The following NBEAL1 variants were observed in gnomAD, a reference collection of about 807,000 sequenced individuals.
The protein encoded by NBEAL1 is neurobeachin like 1.
Under a neutral mutation model 351.3 loss-of-function variants are expected in NBEAL1, and 273 were observed. The ratio of observed to expected loss-of-function variants is 0.78; its 90% CI spans 0.70 to 0.86. The LOEUF (loss-of-function observed/expected upper bound fraction) is 0.86. Ranked by LOEUF, NBEAL1 falls within the 40% of genes least tolerant of loss-of-function variation. The probability of loss-of-function intolerance (pLI) is 0.00; values close to 1 mark genes in which losing one functional copy is unlikely to be tolerated. For missense variants in NBEAL1, 2,961 were observed against 3,201.3 expected, an observed-to-expected ratio of 0.92 and a Z score of 1.81; for synonymous variants, 1,050 against 1,086.4, an observed-to-expected ratio of 0.97 and a Z score of 0.66.
At chr2:203,189,684 G>GAAA in intron 45 of NBEAL1, among the ~76,000 whole-genome samples, 1 of 151,938 alleles carries the variant, frequency 6.6e-6, no homozygotes, top group Non-Finnish European at 1.5e-5. Context: ...ACCACCCCTG[G>GAAA]CCCAATAGAA....
intron 2 of NBEAL1, chr2:203,040,296 A>G: frequency 1.3e-6 from 1 of 768,350 alleles, no homozygotes; most frequent in South Asian, 1.4e-5. Context: ...GGAGGCAGAA[A>G]TGTGACAAGG....
rs1340842449 is a variant in NBEAL1 at position 203,223,644 on chromosome 2, A to G, written c.*6290A>G. 6.6e-6 allele frequency among the ~76,000 whole-genome samples: 1 copy of G among 152,058 alleles called. No individual in the cohort carries two copies. Among genetic ancestry groups the G allele is most frequent in the Non-Finnish European group, 1.5e-5 (1 of 67,908 alleles). ...GAAGTCCTATTCCAATTGGACCTTT[A>G]AAATTTTTATTTTGGTAATATTTCA... On this transcript the variant is annotated 3_prime_UTR_variant, in exon 56 of 56. Coordinates refer to ENST00000683969, the MANE Select transcript of NBEAL1 (RefSeq NM_001378026.1).
At chr2:203,024,485 G>A (rs989246235) in intron 2 of NBEAL1, among the ~76,000 whole-genome samples, 4 of 151,780 alleles carry the variant, frequency 2.6e-5, no homozygotes, top group Non-Finnish European at 5.9e-5. Context: ...CCAAGAGGCC[G>A]GGGTTGCAGT....
At position 203,202,708 on chromosome 2, in the gene NBEAL1, C is replaced by T. The variant is rs1559062160; in HGVS notation, c.7433C>T (p.Thr2478Ile). ...RHMDIVTCLA[T>I]DYCGIHLISG... Reference sequence around the variant, plus strand: ...ACAGATATTGTGACTTGCTTAGCTACAGATTACTGTGGAATACATTTGATT... The same window carrying T: ...ACAGATATTGTGACTTGCTTAGCTATAGATTACTGTGGAATACATTTGATT... Residue 2478 changes from threonine to isoleucine, a missense_variant, in exon 51 of 56, where the codon ACA (threonine) becomes ATA (isoleucine). Coordinates refer to ENST00000683969, the MANE Select transcript of NBEAL1 (RefSeq NM_001378026.1). 2 of 1,596,442 alleles carry T rather than the reference C, an allele frequency of 1.3e-6. No homozygotes were observed. Among genetic ancestry groups the T allele is most frequent in the Non-Finnish European group, 1.7e-6 (2 of 1,164,390 alleles).
chr2:203,057,103 C>T (rs2061416078), intron 5 of NBEAL1, among the ~76,000 whole-genome samples: 1 of 152,096 alleles, frequency 6.6e-6, no homozygotes, highest in African/African-American at 2.4e-5. Context: ...TTATTTATCA[C>T]ATATCCTTCT....
intron 55 of NBEAL1, among the ~76,000 whole-genome samples, chr2:203,215,854 T>C (rs910543816): frequency 6.6e-6 from 1 of 151,526 alleles, no homozygotes; most frequent in Non-Finnish European, 1.5e-5. Flanking sequence ...CTACTAAAAA[T>C]ACAAAAATTA....
At chr2:203,084,700 G>A (rs949951226) in intron 10 of NBEAL1, 131 bp downstream of exon 10, 6 of 473,506 alleles carry the variant, frequency 1.3e-5, no homozygotes, top group African/African-American at 1.2e-4. Flanking sequence ...ACATAACCAA[G>A]TTTTATCTTG....
At chr2:203,133,293 A>T (rs976731024) in intron 27 of NBEAL1, 147 bp downstream of exon 27, 26 of 435,768 alleles carry the variant, frequency 6.0e-5, no homozygotes, top group Middle Eastern at 6.1e-4. Context: ...TTTTTGAAGT[A>T]AATTAACTTC....
At chr2:203,044,277 CT>C (rs2061191877) in intron 3 of NBEAL1, among the ~76,000 whole-genome samples, 3 of 152,198 alleles carry the variant, frequency 2.0e-5, no homozygotes, top group Middle Eastern at 3.4e-3. Context: ...AACTCTTGAC[CT>C]TTTCTCAAAA....
chr2:203,100,023 C>T (rs981307763), intron 12 of NBEAL1, among the ~76,000 whole-genome samples: 2 of 151,996 alleles, frequency 1.3e-5, no homozygotes, highest in African/African-American at 4.8e-5. Flanking sequence ...TGTGTTAGTT[C>T]GCCTAGAATA....
chr2:203,085,309 C>A (rs908862161), intron 10 of NBEAL1: 1 of 152,156 alleles, frequency 6.6e-6, no homozygotes, highest in Non-Finnish European at 1.5e-5. Flanking sequence ...AGGATGGTCT[C>A]CATCTCTTGA....
intron 15 of NBEAL1, 74 bp downstream of exon 15, chr2:203,110,356 A>G: frequency 6.8e-7 from 1 of 1,466,074 alleles, no homozygotes; most frequent in Non-Finnish European, 9.2e-7. Context: ...TAAATTCAAC[A>G]GCAGTCATTT....
chr2:203,077,612 A>AT, intron 7 of NBEAL1, 140 bp from the exon 8 acceptor site: 2 of 437,688 alleles, frequency 4.6e-6, no homozygotes, highest in East Asian at 7.8e-5. Flanking sequence ...CTAAGACAAA[A>AT]TGCATATCAA....
At chr2:203,053,754 G>A (rs929594439) in intron 4 of NBEAL1, among the ~76,000 whole-genome samples, 13 of 151,966 alleles carry the variant, frequency 8.6e-5, no homozygotes, top group African/African-American at 2.7e-4. Flanking sequence ...CTGGGCTCAA[G>A]CGATCCTCCC....
intron 29 of NBEAL1, 88 bp downstream of exon 29, chr2:203,136,862 T>A: frequency 8.5e-7 from 1 of 1,173,184 alleles, no homozygotes; most frequent in Non-Finnish European, 1.2e-6. Flanking sequence ...TTATTCAGTA[T>A]TCTGTGGATA....
At chr2:203,022,685 C>T (rs2060791036) in intron 2 of NBEAL1, among the ~76,000 whole-genome samples, 1 of 152,004 alleles carries the variant, frequency 6.6e-6, no homozygotes. Flanking sequence ...ATGTGTGTAT[C>T]AGGATTACTT....
At chr2:203,102,780 T>C (rs953830689) in intron 12 of NBEAL1, among the ~76,000 whole-genome samples, 1 of 152,184 alleles carries the variant, frequency 6.6e-6, no homozygotes, top group African/African-American at 2.4e-5. Context: ...TTATTTGTTG[T>C]GTCTCTGCCA....
Position 203,126,643 on chromosome 2 carries a change from C to A in NBEAL1, c.3072C>A (p.Leu1024=). The change falls in exon 22 of 56, where the codon CTC becomes CTA. Residue 1024 remains leucine, a synonymous_variant. Transcript: ENST00000683969. ...EQVSLEKNMQ[L]LQQMYQYLLF... ...TATCATTAGAGAAAAATATGCAGCT[C>A]CTGCAACAAATGTATCAATATTTAC... 1.3e-6 allele frequency: 2 copies of A among 1,529,778 alleles called. No homozygotes were observed. Among genetic ancestry groups the A allele is most frequent in the Non-Finnish European group, 8.8e-7 (1 of 1,138,908 alleles). 94.8% of individuals were successfully genotyped at this position (1,529,778 alleles called of 1,614,324 possible).
chr2:203,188,154 A>G (rs1253874165), intron 44 of NBEAL1, among the ~76,000 whole-genome samples: 1 of 152,036 alleles, frequency 6.6e-6, no homozygotes, highest in Non-Finnish European at 1.5e-5. Flanking sequence ...TGCCACAGAG[A>G]TGCATTCCAT....
Sources: gnomAD v4.1 joint callset for allele counts (sites outside exome capture counted in the v4.1 genomes callset) on GRCh38, gnomAD v4.1.1 for gene constraint, MANE v1.5 for transcripts, NCBI Gene and HGNC (gene_info 2026-07-23, HGNC 2026-07-21) for gene names.